RNFT2: variants seen among roughly 807,000 people sequenced by gnomAD.
RNFT2 encodes the protein E3 ubiquitin-protein ligase RNFT2.
A neutral mutation model predicts 53.0 loss-of-function variants in RNFT2; 36 were observed. That is an observed-to-expected ratio of 0.68 (90% CI 0.52 to 0.90). The LOEUF is 0.90. Ranked by LOEUF, RNFT2 falls within the 40% of genes least tolerant of loss-of-function variation. The pLI, the probability that RNFT2 is intolerant of heterozygous loss-of-function variation, is 0.00. For missense variants in RNFT2, 514 were observed against 585.6 expected, an observed-to-expected ratio of 0.88 and a Z score of 1.26; for synonymous variants, 260 against 253.2, an observed-to-expected ratio of 1.03 and a Z score of -0.26.
At chr12:116,751,603 C>T (rs958626774) in intron 4 of RNFT2, among the ~76,000 whole-genome samples, 2 of 151,652 alleles carry the variant, frequency 1.3e-5, no homozygotes, top group African/African-American at 4.8e-5. Context: ...CGGGGTTTCA[C>T]CATGTTGGCC....
At chr12:116,841,920 AAAAT>A (rs1420451802) in intron 10 of RNFT2, among the ~76,000 whole-genome samples, 2 of 35,886 alleles carry the variant, frequency 5.6e-5, no homozygotes, top group Middle Eastern at 0.013. Flanking sequence ...TATATATATA[AAAAT>A]ATATATATAT....
intron 5 of RNFT2, among the ~76,000 whole-genome samples, chr12:116,766,199 T>C (rs867047073): frequency 5.3e-5 from 8 of 152,140 alleles, no homozygotes; most frequent in South Asian, 2.1e-4. Context: ...GGAGGATCAC[T>C]TGAGCCCAGG....
Position 116,790,690 on chromosome 12 carries a change from C to T in RNFT2, c.882+11342C>T, listed in dbSNP as rs535163261. Among the ~76,000 whole-genome samples, 32 of 152,338 alleles carry T rather than the reference C, an allele frequency of 2.1e-4. No individual in the cohort carries two copies. In the South Asian group the frequency reaches 3.5e-3, roughly 17 times the overall value. On this transcript the variant is annotated intron_variant, in intron 7 of 10. Transcript: ENST00000257575. ...TTAACCATTAGGCTGGGCTCAATGG[C>T]TCATGCCTGTTATCCCAGCACTTTG...
rs35911608 is a variant in RNFT2 at position 116,771,460 on chromosome 12, TAAAAAAA to T, written c.728+4575_728+4581del. ...GGGTGACAAAATGAGATCCTATCGTTAAAAAAAAAAAAAAAAAAAAAAAAAAAAAAAA... is the reference window on the plus strand; with the variant it reads ...GGGTGACAAAATGAGATCCTATCGTTAAAAAAAAAAAAAAAAAAAAAAAAA... On this transcript the variant is annotated intron_variant, in intron 6 of 10. Transcript: ENST00000257575. 5.8e-3 allele frequency among the ~76,000 whole-genome samples: 369 copies of T among 64,088 alleles called. 11 individuals are homozygous for T. Among genetic ancestry groups the T allele is most frequent in the African/African-American group, 0.017 (276 of 16,604 alleles). 42.0% of individuals were successfully genotyped at this position (64,088 alleles called of 152,430 possible).
At chr12:116,738,429 G>A (rs1164203355) in intron 1 of RNFT2, 59 bp downstream of exon 1, 1 of 152,140 alleles carries the variant, frequency 6.6e-6, no homozygotes, top group Non-Finnish European at 1.5e-5. Context: ...GTAGTCTCCT[G>A]CCCTTGCAGT....
intron 3 of RNFT2, among the ~76,000 whole-genome samples, chr12:116,745,931 A>G (rs1489812888): frequency 6.6e-6 from 1 of 152,146 alleles, no homozygotes; most frequent in Non-Finnish European, 1.5e-5. Flanking sequence ...CTGACCACAC[A>G]TTAGAATCAC....
intron 4 of RNFT2, 58 bp downstream of exon 4, chr12:116,750,365 G>A: frequency 3.3e-6 from 5 of 1,501,130 alleles, no homozygotes; most frequent in Non-Finnish European, 4.5e-6. Flanking sequence ...GCTGCCTGCA[G>A]CCGGTGGGGT....
chr12:116,831,582 A>G (rs1592984911), intron 7 of RNFT2, among the ~76,000 whole-genome samples: 1 of 151,740 alleles, frequency 6.6e-6, no homozygotes, highest in East Asian at 1.9e-4. Context: ...CCATTCCTAT[A>G]GGCACATCTT....
rs567190942 is a variant in RNFT2, at chr12:116,808,611, C to A, written c.883-25181C>A. Among the ~76,000 whole-genome samples the A allele has an allele frequency of 9.5e-4, 144 of 152,276 alleles. 1 individual carries two copies. The highest frequency in any genetic ancestry group is 1.5e-3 in the East Asian group (8 of 5,188). On this transcript the variant is annotated intron_variant, in intron 7 of 10. Coordinates refer to ENST00000257575, the MANE Select transcript of RNFT2 (RefSeq NM_001382266.1). ...GTAGTCCCGCCTGGCTCCACACCCC[C>A]CAAGCTGTTGTTCCGCCACTAGAGA...
At chr12:116,837,400 G>A (rs1877033300) in intron 10 of RNFT2, among the ~76,000 whole-genome samples, 2 of 152,108 alleles carry the variant, frequency 1.3e-5, no homozygotes, top group Non-Finnish European at 2.9e-5. Flanking sequence ...CTGAGGCAGA[G>A]AGCGATGAGT....
At position 116,766,977 on chromosome 12, in the gene RNFT2, G is replaced by A. The variant is rs537287464; in HGVS notation, c.728+63G>A. The A allele has an allele frequency of 1.7e-5, 20 of 1,151,064 alleles. No individual in the cohort carries two copies. In the Middle Eastern group the frequency reaches 9.3e-4, roughly 54 times the overall value. 71.3% of individuals were successfully genotyped at this position (1,151,064 alleles called of 1,614,324 possible). A position where few individuals can be genotyped will look rare whatever the true frequency, so the allele number is the denominator to read the frequency against. On this transcript the variant is annotated intron_variant, in intron 6 of 10. Transcript: ENST00000257575. ...GGGCACTTGGCTGGGCTTGGGGCACGTACCCTTTCACTTGAGAATGAGGCA... is the reference window on the plus strand; with the variant it reads ...GGGCACTTGGCTGGGCTTGGGGCACATACCCTTTCACTTGAGAATGAGGCA...
chr12:116,788,163 G>A (rs1222417746), intron 7 of RNFT2, among the ~76,000 whole-genome samples: 1 of 152,180 alleles, frequency 6.6e-6, no homozygotes, highest in Non-Finnish European at 1.5e-5. Context: ...CCAACCTCAG[G>A]TGATCCGCCT....
At chr12:116,804,279 G>A (rs1174953260) in intron 7 of RNFT2, among the ~76,000 whole-genome samples, 1 of 152,172 alleles carries the variant, frequency 6.6e-6, no homozygotes, top group African/African-American at 2.4e-5. Flanking sequence ...ATGAGCACCT[G>A]GCAACTTGTT....
chr12:116,810,010 C>T (rs1875293940), intron 7 of RNFT2, among the ~76,000 whole-genome samples: 3 of 152,164 alleles, frequency 2.0e-5, no homozygotes, highest in African/African-American at 7.2e-5. Flanking sequence ...TTTGAGGAAA[C>T]CAAGTCCCCA....
chr12:116,750,056 G>T lies in RNFT2; in HGVS notation c.299G>T (p.Gly100Val). 1.3e-6 allele frequency: 2 copies of T among 1,548,404 alleles called. No homozygotes were observed. The highest frequency in any genetic ancestry group is 1.7e-6 in the Non-Finnish European group (2 of 1,148,802). ...QMPASREEGG[G>V]RGEGGAYHHR... ...CCCGCGTCCAGGGAGGAAGGAGGGG[G>T]CCGGGGCGAGGGGGGCGCCTACCAC... is the stretch of plus-strand genomic sequence containing the variant. Residue 100 changes from glycine to valine, a missense_variant, in exon 4 of 11, where the codon GGC (glycine) becomes GTC (valine). Physicochemically the swap from Gly to Val is moderately radical, Grantham distance 109 (BLOSUM62 -3). Transcript: ENST00000257575.
intron 7 of RNFT2, among the ~76,000 whole-genome samples, chr12:116,788,955 GGGATGGAT>G (rs10579273): frequency 0.015 from 2,021 of 137,960 alleles, 25 homozygotes; most frequent in East Asian, 0.064. Context: ...TGGGAGGAGA[GGGATGGAT>G]GGATGGATGG....
intron 7 of RNFT2, among the ~76,000 whole-genome samples, chr12:116,796,700 C>G (rs1874518122): frequency 6.6e-6 from 1 of 152,218 alleles, no homozygotes; most frequent in Non-Finnish European, 1.5e-5. Flanking sequence ...TCCTGGAGGT[C>G]ATACCTTCCC....
At chr12:116,746,617 T>C (rs1271655649) in intron 3 of RNFT2, among the ~76,000 whole-genome samples, 1 of 152,142 alleles carries the variant, frequency 6.6e-6, no homozygotes, top group Admixed American at 6.5e-5. Context: ...GTGAAGGTGA[T>C]AGCCTGTAGT....
In RNFT2 at chr12:116,799,209, C is replaced by A. The variant is rs79000863; in HGVS notation, c.882+19861C>A. Among the ~76,000 whole-genome samples, 725 of 152,318 alleles carry A rather than the reference C, an allele frequency of 4.8e-3. 8 individuals carry two copies. The highest frequency in any genetic ancestry group is 0.017 in the African/African-American group (701 of 41,564). ...CAGCTCCTAGAAGCCACGCTCCAGT[C>A]CTTGTACACAGTTGCCACCATCTTC... On this transcript the variant is annotated intron_variant, in intron 7 of 10. Transcript: ENST00000257575.
Sources: allele counts gnomAD v4.1 joint callset (sites outside exome capture counted in the v4.1 genomes callset), GRCh38; gene constraint gnomAD v4.1.1; transcripts MANE v1.5; gene names NCBI Gene and HGNC (gene_info 2026-07-23, HGNC 2026-07-21).